Variants in DNAJC25 observed in about 807,000 individuals in gnomAD.
DNAJC25 encodes the protein DnaJ heat shock protein family (Hsp40) member C25, also known as dnaJ homolog subfamily C member 25.
DNAJC25 carries 26 observed loss-of-function variants against 42.1 expected under a neutral mutation model. That is an observed-to-expected ratio of 0.62 (90% CI 0.45 to 0.86). DNAJC25 has a LOEUF of 0.86. DNAJC25 is among the 40% of genes least tolerant of loss of function. The pLI is 0.00. For synonymous variants in DNAJC25, 189 were observed against 179.9 expected, an observed-to-expected ratio of 1.05 and a Z score of -0.40; for missense variants, 404 against 459.4, an observed-to-expected ratio of 0.88 and a Z score of 1.10.
chr9:111,644,652 T>G lies in DNAJC25; in HGVS notation c.337-2455T>G, dbSNP rs1020454611. ...GGCTCATAGGAGTCTGATCTCCGTG[T>G]GGCATTTCGTTTAAAAGCTACATGT... On this transcript the variant is annotated intron_variant, in intron 1 of 3. Coordinates refer to ENST00000313525, the MANE Select transcript of DNAJC25 (RefSeq NM_001015882.3). Among the ~76,000 whole-genome samples the G allele has an allele frequency of 3.3e-5, 5 of 152,292 alleles. No homozygotes were observed. In the South Asian group the frequency reaches 1.0e-3, roughly 32 times the overall value.
intron 3 of DNAJC25, among the ~76,000 whole-genome samples, chr9:111,650,865 T>A (rs1455179089): frequency 3.3e-5 from 5 of 152,218 alleles, no homozygotes; most frequent in Non-Finnish European, 5.9e-5. Flanking sequence ...TTGTATGTGA[T>A]GTCCTAAATA....
chr9:111,639,948 C>CTCCGTCTCCGTCTCCGTGTCCGTG (rs1830424083), intron 1 of DNAJC25, among the ~76,000 whole-genome samples: 5 of 149,414 alleles, frequency 3.3e-5, no homozygotes, highest in African/African-American at 1.2e-4. Flanking sequence ...CCGTCTCCGT[C>CTCCGTCTCCGTCTCCGTGTCCGTG]TCCGTCTCCG....
intron 1 of DNAJC25, among the ~76,000 whole-genome samples, chr9:111,641,920 G>A (rs1249027054): frequency 7.3e-5 from 10 of 137,282 alleles, no homozygotes; most frequent in Admixed American, 1.4e-4. Flanking sequence ...CAGCCGCCCC[G>A]TCCGGGAGGG....
chr9:111,639,927 C>T (rs1490767000), intron 1 of DNAJC25, among the ~76,000 whole-genome samples: 9 of 142,552 alleles, frequency 6.3e-5, no homozygotes, highest in African/African-American at 2.4e-4. Context: ...TCTCCCTCTC[C>T]CTCTCCGTCT....
chr9:111,644,739 G>C (rs1040208435), intron 1 of DNAJC25, among the ~76,000 whole-genome samples: 8 of 152,238 alleles, frequency 5.3e-5, no homozygotes, highest in African/African-American at 1.9e-4. Flanking sequence ...CATCTGTCAT[G>C]ATTGGGATGC....
Position 111,654,120 on chromosome 9 carries a change from A to G in DNAJC25, c.*898A>G, listed in dbSNP as rs887477898. 6 of 152,276 alleles carry G rather than the reference A, an allele frequency of 3.9e-5. No homozygotes were observed. The highest frequency in any genetic ancestry group is 2.6e-4 in the Admixed American group (4 of 15,292). The allele number at this position is 152,276 out of a possible 1,614,324, so 9.4% of individuals were successfully genotyped here. ...TGAAAAATCCGTTGTACATGAGAAC[A>G]TTTCTATGCATTTAAGCCAGAAACG... On this transcript the variant is annotated 3_prime_UTR_variant, in exon 4 of 4. Transcript: ENST00000313525.
chr9:111,631,392 GC>G lies in DNAJC25; in HGVS notation c.-14del. ...GCAGAATCGCTGGGGTGGCAGAGCC[GC>G]CAGCGAGGCTGGGGATGGGGGCGCC... On this transcript the variant is annotated 5_prime_UTR_variant, in exon 1 of 4. Transcript: ENST00000313525. 1 of 1,273,236 alleles carries G rather than the reference GC, an allele frequency of 7.9e-7. No homozygotes were observed. The highest frequency in any genetic ancestry group is 9.9e-7 in the Non-Finnish European group (1 of 1,013,662). The allele number at this position is 1,273,236 out of a possible 1,614,324, so 78.9% of individuals were successfully genotyped here.
intron 1 of DNAJC25, among the ~76,000 whole-genome samples, chr9:111,644,468 G>A (rs1266893152): frequency 1.3e-5 from 2 of 152,172 alleles, no homozygotes; most frequent in African/African-American, 2.4e-5. Flanking sequence ...TGATATCTAC[G>A]TTCTGTAGAA....
At chr9:111,636,623 T>G (rs910285835) in intron 1 of DNAJC25, among the ~76,000 whole-genome samples, 1 of 152,194 alleles carries the variant, frequency 6.6e-6, no homozygotes, top group Non-Finnish European at 1.5e-5. Context: ...CCTAAAATTA[T>G]ATAAATTTCT....
At chr9:111,632,519 G>T (rs958818328) in intron 1 of DNAJC25, among the ~76,000 whole-genome samples, 1 of 152,166 alleles carries the variant, frequency 6.6e-6, no homozygotes. Flanking sequence ...ATTGAGTCTT[G>T]TGGGGATGAG....
intron 2 of DNAJC25, among the ~76,000 whole-genome samples, chr9:111,648,735 C>A (rs183894794): frequency 6.6e-6 from 1 of 152,244 alleles, no homozygotes; most frequent in East Asian, 1.9e-4. Context: ...AAAAAATATT[C>A]TTAATAGATT....
intron 1 of DNAJC25, among the ~76,000 whole-genome samples, chr9:111,638,333 G>A (rs1830395090): frequency 6.6e-6 from 1 of 152,156 alleles, no homozygotes; most frequent in Admixed American, 6.5e-5. Context: ...AAGCAATAAT[G>A]TGTTGCATTC....
chr9:111,638,440 C>G (rs1347058823), intron 1 of DNAJC25, among the ~76,000 whole-genome samples: 1 of 152,126 alleles, frequency 6.6e-6, no homozygotes, highest in African/African-American at 2.4e-5. Flanking sequence ...ATAGGTTAGT[C>G]AAAGACAAAG....
intron 1 of DNAJC25, among the ~76,000 whole-genome samples, chr9:111,641,972 C>T (rs1306216203): frequency 7.0e-4 from 90 of 128,246 alleles, no homozygotes; most frequent in African/African-American, 2.4e-3. Context: ...CCGCCCCGTC[C>T]GGGAGGGAGG....
intron 1 of DNAJC25, among the ~76,000 whole-genome samples, chr9:111,632,387 G>T (rs938309527): frequency 1.3e-5 from 2 of 152,292 alleles, no homozygotes; most frequent in East Asian, 3.9e-4. Context: ...ATAAGTGTGC[G>T]AACCGCCCCC....
rs2131269265 is a variant in DNAJC25 at position 111,649,451 on chromosome 9, A to G, written c.490-2A>G. 1 of 1,566,488 alleles carries G rather than the reference A, an allele frequency of 6.4e-7. No homozygotes were observed. The highest frequency in any genetic ancestry group is 8.6e-7 in the Non-Finnish European group (1 of 1,162,540). ...CTCATTGTTCTCTGTTAATTATTCT[A>G]GTTTTTCAGCTGGTGGAATAGCTAC... On this transcript the variant is annotated splice_acceptor_variant, in intron 2 of 3. Transcript: ENST00000313525. LOFTEE classifies it high-confidence loss of function.
chr9:111,640,899 C>CCCGCCCGGCCAGCCGTG (rs1486267012), intron 1 of DNAJC25, among the ~76,000 whole-genome samples: 1 of 101,130 alleles, frequency 9.9e-6, no homozygotes, highest in Non-Finnish European at 1.8e-5. Context: ...GGTCAGCCCC[C>CCCGCCCGGCCAGCCGTG]CCGCCCGGCC....
chr9:111,642,046 C>T (rs1830482007), intron 1 of DNAJC25, among the ~76,000 whole-genome samples: 1 of 116,348 alleles, frequency 8.6e-6, no homozygotes, highest in Non-Finnish European at 1.8e-5. Context: ...GCGCCTCTGC[C>T]CGGCCGCCCC....
At chr9:111,648,333 C>G (rs1204626053) in intron 2 of DNAJC25, among the ~76,000 whole-genome samples, 3 of 151,650 alleles carry the variant, frequency 2.0e-5, no homozygotes, top group Non-Finnish European at 2.9e-5. Flanking sequence ...GTGATCATGA[C>G]TCACTGTAGC....
Sources: gnomAD v4.1 joint callset for allele counts (sites outside exome capture counted in the v4.1 genomes callset) on GRCh38, gnomAD v4.1.1 for gene constraint, MANE v1.5 for transcripts, NCBI Gene and HGNC (gene_info 2026-07-23, HGNC 2026-07-21) for gene names.